Variants in PAICS observed in about 807,000 individuals in gnomAD.
PAICS encodes the protein phosphoribosylaminoimidazole carboxylase and phosphoribosylaminoimidazolesuccinocarboxamide synthase.
A neutral mutation model predicts 53.7 loss-of-function variants in PAICS; 33 were observed. That is an observed-to-expected ratio of 0.61 (90% CI 0.47 to 0.82). PAICS has a LOEUF of 0.82. PAICS is among the 40% of genes least tolerant of loss of function. The pLI, the probability that PAICS is intolerant of heterozygous loss-of-function variation, is 0.00. For synonymous variants in PAICS, 141 were observed against 167.2 expected, an observed-to-expected ratio of 0.84 and a Z score of 1.21; for missense variants, 394 against 494.1, an observed-to-expected ratio of 0.80 and a Z score of 1.92.
intron 2 of PAICS, among the ~76,000 whole-genome samples, chr4:56,443,607 T>C (rs931179170): frequency 6.6e-6 from 1 of 152,264 alleles, no homozygotes; most frequent in Admixed American, 6.5e-5. Flanking sequence ...CTGTGTACCC[T>C]TGGTAGTTTC....
At chr4:56,425,410 A>G in the PAICS span, 3 of 940,490 alleles carry the variant, frequency 3.2e-6, no homozygotes, top group Non-Finnish European at 3.8e-6. Context: ...CTAAAACTTC[A>G]GAAAACCGAA....
chr4:56,417,263 A>G, the PAICS span, among the ~76,000 whole-genome samples: 2 of 151,886 alleles, frequency 1.3e-5, no homozygotes, highest in African/African-American at 2.4e-5. Flanking sequence ...ATTACAAAGC[A>G]AAGACATTAA....
the PAICS span, chr4:56,419,728 G>A: frequency 2.0e-6 from 2 of 981,656 alleles, no homozygotes; most frequent in Non-Finnish European, 2.4e-6. Context: ...ATAGACATCT[G>A]GTCTGATAAA....
intron 6 of PAICS, among the ~76,000 whole-genome samples, chr4:56,451,449 A>C (rs1223714721): frequency 6.6e-6 from 1 of 152,210 alleles, no homozygotes; most frequent in Non-Finnish European, 1.5e-5. Flanking sequence ...TGAGAACATT[A>C]TTCTTATAGG....
the PAICS span, among the ~76,000 whole-genome samples, chr4:56,429,485 G>T: frequency 6.6e-6 from 1 of 152,208 alleles, no homozygotes; most frequent in Non-Finnish European, 1.5e-5. Context: ...ACAGACATCA[G>T]AAAAGATAAT....
chr4:56,439,048 A>G (rs1218029840), intron 1 of PAICS, among the ~76,000 whole-genome samples: 1 of 152,106 alleles, frequency 6.6e-6, no homozygotes, highest in African/African-American at 2.4e-5. Flanking sequence ...CTTGCAGGGT[A>G]TGTCACGTAT....
the PAICS span, among the ~76,000 whole-genome samples, chr4:56,424,308 T>C: frequency 6.6e-6 from 1 of 152,082 alleles, no homozygotes. Context: ...TCTGAAGGTT[T>C]TGATCTAGCA....
intron 2 of PAICS, among the ~76,000 whole-genome samples, chr4:56,445,681 A>G (rs909897832): frequency 6.6e-6 from 1 of 152,206 alleles, no homozygotes; most frequent in Non-Finnish European, 1.5e-5. Context: ...ATTTCCATAA[A>G]TAGAAGCTCC....
chr4:56,435,599 G>T, upstream of PAICS: 5 of 1,543,868 alleles, frequency 3.2e-6, no homozygotes, highest in South Asian at 4.8e-5. Context: ...TCCTTCCCGA[G>T]GGTGGCCCCA....
upstream of PAICS, chr4:56,431,397 T>TAATG (rs1717578355): frequency 1.0e-6 from 1 of 971,278 alleles, no homozygotes; most frequent in African/African-American, 1.8e-5. Context: ...TTTCCAGTGG[T>TAATG]AATGTTCTGT....
intron 8 of PAICS, among the ~76,000 whole-genome samples, chr4:56,457,371 C>T (rs994016506): frequency 2.6e-5 from 4 of 152,126 alleles, no homozygotes; most frequent in African/African-American, 9.7e-5. Context: ...CGTGATTGCA[C>T]CACTGCACTC....
chr4:56,449,979 A>G (rs1309198078), intron 5 of PAICS, among the ~76,000 whole-genome samples: 1 of 151,694 alleles, frequency 6.6e-6, no homozygotes, highest in Non-Finnish European at 1.5e-5. Context: ...TGTCTCCAAA[A>G]AAAAAAAAAG....
At chr4:56,424,200 T>TA in the PAICS span, among the ~76,000 whole-genome samples, 1 of 152,234 alleles carries the variant, frequency 6.6e-6, no homozygotes, top group Non-Finnish European at 1.5e-5. Flanking sequence ...AAATGTATGC[T>TA]ATAAGCCATA....
intron 8 of PAICS, among the ~76,000 whole-genome samples, chr4:56,455,901 A>T (rs1446208524): frequency 6.6e-6 from 1 of 152,084 alleles, no homozygotes; most frequent in African/African-American, 2.4e-5. Context: ...GAGCTCTTTT[A>T]ATCTGAAATT....
chr4:56,436,996 CAAAAAA>C, intron 1 of PAICS, among the ~76,000 whole-genome samples: 3 of 152,138 alleles, frequency 2.0e-5, no homozygotes, highest in Admixed American at 2.0e-4. Flanking sequence ...GACTCCGTCT[CAAAAAA>C]GAAAAAGAAA....
chr4:56,424,329 A>G, the PAICS span, among the ~76,000 whole-genome samples: 1 of 151,742 alleles, frequency 6.6e-6, no homozygotes, highest in East Asian at 1.9e-4. Context: ...GGTTGGAGTC[A>G]GTTCAGGCAC....
At chr4:56,452,149 A>G in intron 7 of PAICS, 97 bp downstream of exon 7, 1 of 798,320 alleles carries the variant, frequency 1.3e-6, no homozygotes, top group Non-Finnish European at 2.0e-6. Flanking sequence ...GAGCTTTGTC[A>G]GTTTTCTAAG....
At position 56,460,863 on chromosome 4, in the gene PAICS, C is replaced by G. The variant is rs908334654; in HGVS notation, c.*1325C>G. The G allele has an allele frequency of 6.6e-6, 1 of 152,310 alleles. No homozygotes were observed. The highest frequency in any genetic ancestry group is 2.4e-5 in the African/African-American group (1 of 41,364). 9.4% of individuals were successfully genotyped at this position (152,310 alleles called of 1,614,324 possible). ...ACAGGCACCTGTAATCCCAGCTACT[C>G]GGGAGGCTGAGGCATGAGAATTGCT... On this transcript the variant is annotated 3_prime_UTR_variant, in exon 9 of 9. Transcript: ENST00000512576.
intron 2 of PAICS, among the ~76,000 whole-genome samples, chr4:56,443,984 T>A (rs1479945781): frequency 1.3e-5 from 2 of 152,234 alleles, no homozygotes; most frequent in African/African-American, 2.4e-5. Context: ...CTGAATTTTT[T>A]AAAATTTCTA....
Sources: allele counts gnomAD v4.1 joint callset (sites outside exome capture counted in the v4.1 genomes callset), GRCh38; gene constraint gnomAD v4.1.1; transcripts MANE v1.5; gene names NCBI Gene and HGNC (gene_info 2026-07-23, HGNC 2026-07-21).